The following F2 variants were observed in gnomAD, a reference collection of about 807,000 sequenced individuals.
F2 encodes the protein coagulation factor II, thrombin.
A neutral mutation model predicts 81.9 loss-of-function variants in F2; 34 were observed. The observed-to-expected ratio is 0.42, with a 90% CI of 0.32 to 0.55. The LOEUF is 0.55. Among genes scored for constraint, F2 ranks in the 20% least tolerant of loss-of-function variants. The pLI, the probability that F2 is intolerant of heterozygous loss-of-function variation, is 0.18. For synonymous variants in F2, 296 were observed against 326.4 expected (o/e 0.91, Z 1.01); for missense variants, 630 against 833.4 (o/e 0.76, Z 3.00).
intron 12 of F2, among the ~76,000 whole-genome samples, chr11:46,734,278 T>C (rs968033389): frequency 1.3e-5 from 2 of 152,098 alleles, no homozygotes; most frequent in Admixed American, 6.6e-5. Flanking sequence ...TATAATTTTT[T>C]TGTGAATTGT....
chr11:46,726,909 C>G lies in F2; in HGVS notation c.1130+72C>G. The G allele has an allele frequency of 1.2e-6, 2 of 1,605,042 alleles. No individual in the cohort carries two copies. The highest frequency in any genetic ancestry group is 4.5e-5 in the East Asian group (2 of 44,700). On this transcript the variant is annotated intron_variant, in intron 9 of 13. Transcript: ENST00000311907. The surrounding 1 kb of genome is among the most constrained non-coding windows in gnomAD (Gnocchi z 5.9). ...TGCTGCTGGACCCCCACCCTCAGGC[C>G]CTGCCTGCAGGCCTGGGCTTTACAG...
At position 46,739,402 on chromosome 11, in the gene F2, A is replaced by C; in HGVS notation, c.1863A>C (p.Gly621=). Reference sequence around the variant, plus strand: ...TACAGAAGGTCATTGATCAGTTTGGAGAGTAGGGGGCCACTCATATTCTGG... The same window carrying C: ...TACAGAAGGTCATTGATCAGTTTGGCGAGTAGGGGGCCACTCATATTCTGG... ...KWIQKVIDQF[G]E is the part of the protein sequence containing the mutation. The change falls in exon 14 of 14, where the codon GGA becomes GGC. Residue 621 remains glycine (G), a synonymous_variant. Coordinates refer to ENST00000311907, the MANE Select transcript of F2 (RefSeq NM_000506.5). 6.2e-7 allele frequency: 1 copy of C among 1,614,044 alleles called. No homozygotes were observed. Among genetic ancestry groups the C allele is most frequent in the East Asian group, 2.2e-5 (1 of 44,880 alleles).
chr11:46,721,946 G>A (rs1436813261), intron 4 of F2, among the ~76,000 whole-genome samples: 1 of 151,718 alleles, frequency 6.6e-6, no homozygotes, highest in East Asian at 1.9e-4. Context: ...GGATTCAAGT[G>A]ATTCTCCTGC....
At position 46,726,016 on chromosome 11, in the gene F2, C is replaced by T. The variant is rs768979247; in HGVS notation, c.717C>T (p.Ser239=). The change falls in exon 7 of 14, where the codon AGC becomes AGT. Residue 239 remains serine (S), a synonymous_variant. Coordinates refer to ENST00000311907, the MANE Select transcript of F2 (RefSeq NM_000506.5). The surrounding 1 kb of genome is among the most constrained non-coding windows in gnomAD (Gnocchi z 5.9). The part of the protein sequence containing the change: ...THGLPCLAWA[S]AQAKALSKHQ... The stretch of plus-strand genomic sequence containing the variant: ...GGCTCCCCTGCCTGGCCTGGGCCAG[C>T]GCACAGGCCAAGGCCCTGAGCAAGC... 1.4e-5 allele frequency: 23 copies of T among 1,613,902 alleles called. No individual in the cohort carries two copies. The Middle Eastern group carries it at 4.9e-4, about 35-fold the overall frequency.
chr11:46,723,194 G>T lies in F2; in HGVS notation c.331G>T (p.Gly111Cys). 6.2e-7 allele frequency: 1 copy of T among 1,613,970 alleles called. No homozygotes were observed. The highest frequency in any genetic ancestry group is 8.5e-7 in the Non-Finnish European group (1 of 1,180,012). The change falls in exon 5 of 14, where the codon GGT becomes TGT. Residue 111 changes from glycine to cysteine, a missense_variant. Coordinates refer to ENST00000311907, the MANE Select transcript of F2 (RefSeq NM_000506.5). This position sits in a 1 kb window ranked among gnomAD's most constrained non-coding sequence, Gnocchi z 5.6. ...AACLEGNCAEGLGTNYRGHVN... is the reference protein window; with the variant it reads ...AACLEGNCAECLGTNYRGHVN... ...GGTCTCCGCAGGTAACTGTGCTGAG[G>T]GTCTGGGTACGAACTACCGAGGGCA...
In F2 at chr11:46,727,960, T is replaced by C. The variant is rs1415891776; in HGVS notation, c.1131-36T>C. On this transcript the variant is annotated intron_variant, in intron 9 of 13. Transcript: ENST00000311907. ...GGCTGGTGTAGAGGCAGCCCCCTCA[T>C]CCTCAGCTCCTAATGCTTCCTGCTG... 5.7e-6 allele frequency: 9 copies of C among 1,587,298 alleles called. No homozygotes were observed. In the African/African-American group the frequency reaches 9.4e-5, roughly 17 times the overall value.
At chr11:46,738,007 T>A (rs1282251169) in intron 12 of F2, among the ~76,000 whole-genome samples, 1 of 152,128 alleles carries the variant, frequency 6.6e-6, no homozygotes, top group Middle Eastern at 3.4e-3. Context: ...CGGCTAATTT[T>A]TTTTTTTCGA....
chr11:46,731,620 A>T (rs1320912840), intron 12 of F2, among the ~76,000 whole-genome samples: 1 of 149,712 alleles, frequency 6.7e-6, no homozygotes, highest in African/African-American at 2.5e-5. Flanking sequence ...TCAATGAAGG[A>T]TCTTTCTTTG....
At chr11:46,739,151 C>T in intron 13 of F2, 33 bp downstream of exon 13, 1 of 1,613,930 alleles carries the variant, frequency 6.2e-7, no homozygotes, top group Non-Finnish European at 8.5e-7. Context: ...GCCTGGTGAA[C>T]ACATCTTCTG....
rs2064872045 is a variant in F2, at chr11:46,726,226, TAAC to T, written c.874+58_874+60del. 6.2e-7 allele frequency: 1 copy of T among 1,601,610 alleles called. No individual in the cohort carries two copies. Among genetic ancestry groups the T allele is most frequent in the Non-Finnish European group, 8.5e-7 (1 of 1,175,310 alleles). On this transcript the variant is annotated intron_variant, in intron 7 of 13. Coordinates refer to ENST00000311907, the MANE Select transcript of F2 (RefSeq NM_000506.5). This position sits in a 1 kb window ranked among gnomAD's most constrained non-coding sequence, Gnocchi z 5.9. ...TTGCAGGGACAAATCCTGGTGGGAA[TAAC>T]AACAGCCGCTTCTGCTTATCGAACG...
rs969583442 is a variant in F2 at position 46,728,610 on chromosome 11, C to T, written c.1299-54C>T. On this transcript the variant is annotated intron_variant, in intron 10 of 13. Transcript: ENST00000311907. This position sits in a 1 kb window ranked among gnomAD's most constrained non-coding sequence, Gnocchi z 5.1. ...GACCCCAAGGGCAGGCAGTTTCCTG[C>T]TCCTTGCTGGGTGAACCTGCAGCTT... The T allele has an allele frequency of 1.9e-6, 3 of 1,605,650 alleles. No homozygotes were observed. In the African/African-American group the frequency reaches 4.0e-5, roughly 21 times the overall value.
Position 46,727,942 on chromosome 11 carries a change from G to A in F2, c.1131-54G>A, listed in dbSNP as rs763172281. On this transcript the variant is annotated intron_variant, in intron 9 of 13. Coordinates refer to ENST00000311907, the MANE Select transcript of F2 (RefSeq NM_000506.5). ...TGGGATTGTTACTTCTAGGGCTGGT[G>A]TAGAGGCAGCCCCCTCATCCTCAGC... 9.9e-5 allele frequency: 154 copies of A among 1,551,750 alleles called. No individual in the cohort carries two copies. The Middle Eastern group carries it at 2.4e-3, about 24-fold the overall frequency.
Position 46,739,072 on chromosome 11 carries a change from G to A in F2, c.1679G>A (p.Arg560Gln), listed in dbSNP as rs779071898. The change falls in exon 13 of 14, where the codon CGA becomes CAA. Residue 560 changes from arginine to glutamine, a missense_variant. Coordinates refer to ENST00000311907, the MANE Select transcript of F2 (RefSeq NM_000506.5). ...CAGYKPDEGKRGDACEGDSGG... is the reference protein window; with the variant it reads ...CAGYKPDEGKQGDACEGDSGG... Reference sequence around the variant, plus strand: ...GGTTACAAGCCTGATGAAGGGAAACGAGGGGATGCCTGTGAAGGTGACAGT... The same window carrying A: ...GGTTACAAGCCTGATGAAGGGAAACAAGGGGATGCCTGTGAAGGTGACAGT... 4.3e-6 allele frequency: 7 copies of A among 1,614,082 alleles called. No individual in the cohort carries two copies. The highest frequency in any genetic ancestry group is 1.3e-5 in the African/African-American group (1 of 74,926).
At chr11:46,731,267 C>T (rs2064910198) in intron 12 of F2, among the ~76,000 whole-genome samples, 1 of 150,284 alleles carries the variant, frequency 6.7e-6, no homozygotes, top group African/African-American at 2.5e-5. Flanking sequence ...GCTCTGTTGC[C>T]CAGGCTAGAG....
rs1159185431 is a variant in F2, at chr11:46,726,967, A to G, written c.1130+130A>G. 7.2e-7 allele frequency: 1 copy of G among 1,390,314 alleles called. No homozygotes were observed. The highest frequency in any genetic ancestry group is 2.3e-5 in the East Asian group (1 of 43,282). 86.1% of individuals were successfully genotyped at this position (1,390,314 alleles called of 1,614,324 possible). On this transcript the variant is annotated intron_variant, in intron 9 of 13. Transcript: ENST00000311907. This position sits in a 1 kb window ranked among gnomAD's most constrained non-coding sequence, Gnocchi z 5.9. ...CAGCTGAGCATCCAGGATCCCACCA[A>G]CTCCACACAGCAGCCACATGAGATG...
At chr11:46,733,782 C>CTTTTTTTTTTTTT (rs34296052) in intron 12 of F2, among the ~76,000 whole-genome samples, 1 of 89,744 alleles carries the variant, frequency 1.1e-5, no homozygotes, top group African/African-American at 4.9e-5. Context: ...GATTAAGGAC[C>CTTTTTTTTTTTTT]TTTTTTTTTT....
chr11:46,732,686 C>T (rs1318342735), intron 12 of F2, among the ~76,000 whole-genome samples: 2 of 152,284 alleles, frequency 1.3e-5, no homozygotes, highest in East Asian at 3.9e-4. Context: ...GGCGTGAGCT[C>T]TACCGTGCCA....
intron 6 of F2, among the ~76,000 whole-genome samples, chr11:46,724,100 C>T (rs985104787): frequency 2.2e-4 from 33 of 152,184 alleles, no homozygotes; most frequent in Admixed American, 6.5e-5. Context: ...AGGCACTCCT[C>T]CCTCCGGGAA....
chr11:46,726,395 C>G lies in F2; in HGVS notation c.875-103C>G, dbSNP rs2064873123. ...CCAACTGTGCATGCACGCTTAACCTCTGCACCAAATGGCCTCCAAGGCCCG... is the reference window on the plus strand; with the variant it reads ...CCAACTGTGCATGCACGCTTAACCTGTGCACCAAATGGCCTCCAAGGCCCG... On this transcript the variant is annotated intron_variant, in intron 7 of 13. Coordinates refer to ENST00000311907, the MANE Select transcript of F2 (RefSeq NM_000506.5). This position sits in a 1 kb window ranked among gnomAD's most constrained non-coding sequence, Gnocchi z 5.9. 1 of 1,549,422 alleles carries G rather than the reference C, an allele frequency of 6.5e-7. No individual in the cohort carries two copies. The highest frequency in any genetic ancestry group is 1.2e-5 in the South Asian group (1 of 84,110).
Sources: gnomAD v4.1 joint callset for allele counts (sites outside exome capture counted in the v4.1 genomes callset) on GRCh38, gnomAD v4.1.1 for gene constraint, Gnocchi (gnomAD v3.1) non-coding constraint, MANE v1.5 for transcripts, NCBI Gene and HGNC (gene_info 2026-07-23, HGNC 2026-07-21) for gene names.